RNLS: variants seen among roughly 807,000 people sequenced by gnomAD.
The protein encoded by RNLS is renalase, FAD dependent amine oxidase.
RNLS carries 39 observed loss-of-function variants against 39.8 expected under a neutral mutation model. That is an observed-to-expected ratio of 0.98 (90% confidence interval 0.76 to 1.28). RNLS has a LOEUF of 1.28. Ranked by LOEUF, RNLS falls within the 50% of genes most tolerant of loss-of-function variation. The pLI is 0.00. For missense variants in RNLS, 410 were observed against 413.3 expected, an observed-to-expected ratio of 0.99 and a Z score of 0.07; for synonymous variants, 147 against 150.7, an observed-to-expected ratio of 0.98 and a Z score of 0.18.
At chr10:88,393,640 G>A (rs1349737660) in intron 4 of RNLS, among the ~76,000 whole-genome samples, 1 of 152,070 alleles carries the variant, frequency 6.6e-6, no homozygotes, top group African/African-American at 2.4e-5. Flanking sequence ...TAGATTCAAT[G>A]CCATCCCCAT....
Position 88,397,688 on chromosome 10 carries a change from G to A in RNLS, c.527-34963C>T, listed in dbSNP as rs890319548. On this transcript the variant is annotated intron_variant, in intron 4 of 6. Transcript: ENST00000331772. ...AATGATTCATAGATCCAACACAATCGCTATAAAATCCCTGCTGCTTTTATT... is the reference window on the plus strand; with the variant it reads ...AATGATTCATAGATCCAACACAATCACTATAAAATCCCTGCTGCTTTTATT... Among the ~76,000 whole-genome samples the A allele has an allele frequency of 4.0e-5, 6 of 151,670 alleles. No individual in the cohort carries two copies. In the East Asian group the frequency reaches 5.8e-4, roughly 15 times the overall value.
chr10:88,243,896 G>T, the RNLS span, among the ~76,000 whole-genome samples: 8 of 152,312 alleles, frequency 5.3e-5, no homozygotes, highest in East Asian at 1.2e-3. Flanking sequence ...TCTAAATCAG[G>T]AGTTGAGGAA....
At chr10:88,337,970 G>T (rs1847634754) in intron 5 of RNLS, among the ~76,000 whole-genome samples, 1 of 152,134 alleles carries the variant, frequency 6.6e-6, no homozygotes, top group African/African-American at 2.4e-5. Flanking sequence ...CAGAAGATTA[G>T]ATTTGACTAT....
At chr10:88,489,359 C>A (rs1400989005) in intron 4 of RNLS, among the ~76,000 whole-genome samples, 1 of 152,144 alleles carries the variant, frequency 6.6e-6, no homozygotes, top group Non-Finnish European at 1.5e-5. Context: ...AAAATCAATC[C>A]TCCAGTACAC....
chr10:88,461,925 A>C (rs201221741), intron 4 of RNLS, among the ~76,000 whole-genome samples: 1 of 152,120 alleles, frequency 6.6e-6, no homozygotes, highest in East Asian at 1.9e-4. Context: ...CAAAAGTTTT[A>C]AAATGTAAAG....
the RNLS span, among the ~76,000 whole-genome samples, chr10:88,248,131 A>G: frequency 6.6e-6 from 1 of 152,334 alleles, no homozygotes; most frequent in South Asian, 2.1e-4. Flanking sequence ...TACTTAATAA[A>G]ATGTTAGCTG....
chr10:88,388,782 T>C (rs2133565651), intron 4 of RNLS, among the ~76,000 whole-genome samples: 2 of 152,266 alleles, frequency 1.3e-5, no homozygotes, highest in South Asian at 4.1e-4. Flanking sequence ...CCCCTACTAG[T>C]AATCAAACTC....
At chr10:88,367,186 A>G (rs1166504500) in intron 4 of RNLS, among the ~76,000 whole-genome samples, 5 of 152,132 alleles carry the variant, frequency 3.3e-5, no homozygotes, top group Non-Finnish European at 7.4e-5. Context: ...ATCAAGAAAC[A>G]GAGCATTACC....
At chr10:88,396,902 A>T (rs1852596522) in intron 4 of RNLS, among the ~76,000 whole-genome samples, 1 of 151,958 alleles carries the variant, frequency 6.6e-6, no homozygotes, top group Non-Finnish European at 1.5e-5. Flanking sequence ...TTTTATAATA[A>T]TAAAAGGGTT....
intron 4 of RNLS, among the ~76,000 whole-genome samples, chr10:88,561,289 C>T (rs1170153463): frequency 6.6e-6 from 1 of 152,062 alleles, no homozygotes; most frequent in Non-Finnish European, 1.5e-5. Context: ...ATAGTTCAGA[C>T]TCCTTAAAAA....
At chr10:88,311,866 A>G (rs1484402364) in intron 6 of RNLS, among the ~76,000 whole-genome samples, 1 of 152,220 alleles carries the variant, frequency 6.6e-6, no homozygotes, top group East Asian at 1.9e-4. Flanking sequence ...GGAGAGCAAC[A>G]CCAGGGAAAT....
chr10:88,499,458 C>G (rs1845346833), intron 4 of RNLS, among the ~76,000 whole-genome samples: 1 of 152,062 alleles, frequency 6.6e-6, no homozygotes, highest in Admixed American at 6.6e-5. Context: ...GGCCTGTGTT[C>G]GTAACAGATA....
At chr10:88,325,635 T>C (rs1846546348) in intron 5 of RNLS, among the ~76,000 whole-genome samples, 2 of 152,232 alleles carry the variant, frequency 1.3e-5, no homozygotes, top group African/African-American at 2.4e-5. Flanking sequence ...TTAAATGTAC[T>C]TATTTAAAGA....
intron 4 of RNLS, among the ~76,000 whole-genome samples, chr10:88,553,311 G>A (rs1440156464): frequency 1.3e-5 from 2 of 152,114 alleles, no homozygotes; most frequent in Non-Finnish European, 2.9e-5. Flanking sequence ...GCCCTAAATT[G>A]TCTTAAGCCT....
At chr10:88,309,332 A>T in intron 6 of RNLS, 1 of 1,073,112 alleles carries the variant, frequency 9.3e-7, no homozygotes, top group Non-Finnish European at 1.2e-6. Context: ...AGAAAAAATT[A>T]AAATATCAAT....
the RNLS span, among the ~76,000 whole-genome samples, chr10:88,235,336 T>C: frequency 6.7e-6 from 1 of 149,286 alleles, no homozygotes; most frequent in African/African-American, 2.5e-5. Context: ...CTGCTAGTGA[T>C]AAATATGGTC....
chr10:88,449,148 T>C (rs1156619358), intron 4 of RNLS, among the ~76,000 whole-genome samples: 2 of 152,152 alleles, frequency 1.3e-5, no homozygotes, highest in African/African-American at 4.8e-5. Flanking sequence ...TAAAGTATAA[T>C]AATAAACAAA....
At chr10:88,542,142 G>A (rs966229347) in intron 4 of RNLS, among the ~76,000 whole-genome samples, 6 of 152,216 alleles carry the variant, frequency 3.9e-5, no homozygotes, top group Admixed American at 6.6e-5. Context: ...TATAGTGAAT[G>A]AAAAGCTATC....
intron 4 of RNLS, among the ~76,000 whole-genome samples, chr10:88,364,913 AC>A (rs1015917972): frequency 9.2e-5 from 14 of 152,170 alleles, no homozygotes; most frequent in African/African-American, 2.9e-4. Context: ...AAATAAAAAA[AC>A]AAAACAAAAC....
Sources: allele counts gnomAD v4.1 joint callset (sites outside exome capture counted in the v4.1 genomes callset), GRCh38; gene constraint gnomAD v4.1.1; transcripts MANE v1.5; gene names NCBI Gene and HGNC (gene_info 2026-07-23, HGNC 2026-07-21).